The following MTSS1 variants were observed in gnomAD, a reference collection of about 807,000 sequenced individuals.
The protein encoded by MTSS1 is protein MTSS 1.
Under a neutral mutation model 79.0 loss-of-function variants are expected in MTSS1, and 18 were observed. The ratio of observed to expected loss-of-function variants is 0.23; its 90% CI spans 0.16 to 0.34. The LOEUF (loss-of-function observed/expected upper bound fraction) is 0.34, where lower values mean the gene tolerates loss of function less well. Among genes scored for constraint, MTSS1 ranks in the 10% least tolerant of loss-of-function variants. The pLI is 1.00. For synonymous variants in MTSS1, 341 were observed against 368.6 expected (o/e 0.93, Z 0.86); for missense variants, 815 against 986.2 (o/e 0.83, Z 2.33).
At chr8:124,589,843 A>G (rs1014342600) in intron 4 of MTSS1, 132 bp from the exon 5 acceptor site, 74 of 658,530 alleles carry the variant, frequency 1.1e-4, no homozygotes, top group Non-Finnish European at 1.8e-4. Flanking sequence ...CCGGGGCTCC[A>G]GAACAGCCAT....
chr8:124,660,886 A>C (rs1196953521), intron 3 of MTSS1, among the ~76,000 whole-genome samples: 2 of 152,170 alleles, frequency 1.3e-5, no homozygotes, highest in East Asian at 3.9e-4. Flanking sequence ...GCAAAGGATG[A>C]GGGACTTGTG....
chr8:124,572,459 G>T (rs1827978505), intron 6 of MTSS1, among the ~76,000 whole-genome samples: 1 of 152,170 alleles, frequency 6.6e-6, no homozygotes, highest in South Asian at 2.1e-4. Context: ...CACAAATTCA[G>T]AGAGTTGTGT....
rs778731501 is a variant in MTSS1, at chr8:124,553,015, G to A, written c.2245C>T (p.Arg749Cys). The A allele has an allele frequency of 3.7e-6, 6 of 1,613,478 alleles. No individual in the cohort carries two copies. The highest frequency in any genetic ancestry group is 3.3e-5 in the Admixed American group (2 of 60,002). Residue 749 changes from arginine (R) to cysteine (C), a missense_variant, in exon 14 of 14, where the codon CGC (arginine) becomes TGC (cysteine). Coordinates refer to ENST00000518547, the MANE Select transcript of MTSS1 (RefSeq NM_014751.6). The surrounding 1 kb of genome is among the most constrained non-coding windows in gnomAD (Gnocchi z 6.0). Reference sequence around the variant, plus strand: ...ACCTAAGAAAAGCGAGGGGCTGAGCGATCGTTTGTCGTGGTCTTCTTCAGT... The same window carrying A: ...ACCTAAGAAAAGCGAGGGGCTGAGCAATCGTTTGTCGTGGTCTTCTTCAGT... ...VKLKKTTTND[R>C]SAPRFS is the part of the protein sequence containing the mutation.
In MTSS1 at chr8:124,553,376, C is replaced by A. The variant is rs756243485; in HGVS notation, c.1884G>T (p.Gly628=). ...GCCCATCTGGAGGGGCTGGCAACAC[C>A]CCTGGGAGGTCTGGGACGGTTGGGG... The part of the protein sequence containing the change: ...VKTPTVPDLP[G]VLPAPPDGPE... The change falls in exon 14 of 14, where the codon GGG becomes GGT. Residue 628 remains glycine, a synonymous_variant. Transcript: ENST00000518547. The surrounding 1 kb of genome is among the most constrained non-coding windows in gnomAD (Gnocchi z 6.0). 18 of 1,610,972 alleles carry A rather than the reference C, an allele frequency of 1.1e-5. No homozygotes were observed. Among genetic ancestry groups the A allele is most frequent in the Admixed American group, 5.0e-5 (3 of 59,942 alleles).
At chr8:124,556,586 C>G (rs1032764633) in intron 11 of MTSS1, 181 bp from the exon 12 acceptor site, 1 of 668,796 alleles carries the variant, frequency 1.5e-6, no homozygotes, top group Non-Finnish European at 2.5e-6. Context: ...AATGGAAACC[C>G]TTTGGGAGCC....
intron 3 of MTSS1, among the ~76,000 whole-genome samples, chr8:124,698,645 G>A (rs1367614957): frequency 6.6e-6 from 1 of 151,548 alleles, no homozygotes; most frequent in Non-Finnish European, 1.5e-5. Flanking sequence ...CCAAATAGCT[G>A]GAATTACAGG....
At chr8:124,708,200 T>C (rs548659993) in intron 1 of MTSS1, among the ~76,000 whole-genome samples, 2 of 152,328 alleles carry the variant, frequency 1.3e-5, no homozygotes, top group South Asian at 4.1e-4. Context: ...GGGCAAGTTA[T>C]TTGACCTCTG....
chr8:124,726,162 C>T (rs1022825489), intron 1 of MTSS1, among the ~76,000 whole-genome samples: 1 of 152,158 alleles, frequency 6.6e-6, no homozygotes, highest in South Asian at 2.1e-4. Flanking sequence ...CCTTGGCACC[C>T]GTGAGTCCCC....
intron 3 of MTSS1, among the ~76,000 whole-genome samples, chr8:124,677,303 A>C (rs774776540): frequency 6.6e-6 from 1 of 152,140 alleles, no homozygotes; most frequent in East Asian, 1.9e-4. Flanking sequence ...TTCCCTCCCA[A>C]GGGTACTTTG....
rs371358168 is a variant in MTSS1, at chr8:124,557,895, G to A, written c.1036-20C>T. ...AGACAACTGGAAACAAACAAAAAAA[G>A]GGGGGGGGAAGGAAAAAAAATTAAT... On this transcript the variant is annotated intron_variant, in intron 10 of 13. Coordinates refer to ENST00000518547, the MANE Select transcript of MTSS1 (RefSeq NM_014751.6). 2.8e-6 allele frequency: 4 copies of A among 1,442,518 alleles called. No homozygotes were observed. Among genetic ancestry groups the A allele is most frequent in the Non-Finnish European group, 3.8e-6 (4 of 1,058,588 alleles). 89.4% of individuals were successfully genotyped at this position (1,442,518 alleles called of 1,614,324 possible). A position where few individuals can be genotyped will look rare whatever the true frequency, so the allele number is the denominator to read the frequency against.
At chr8:124,713,720 T>C (rs1831504016) in intron 1 of MTSS1, among the ~76,000 whole-genome samples, 2 of 151,882 alleles carry the variant, frequency 1.3e-5, no homozygotes, top group Admixed American at 6.6e-5. Context: ...CACTGCGCCC[T>C]GCCTGTTTTC....
intron 3 of MTSS1, among the ~76,000 whole-genome samples, chr8:124,623,413 C>A (rs1256187151): frequency 6.6e-6 from 1 of 152,158 alleles, no homozygotes; most frequent in African/African-American, 2.4e-5. Flanking sequence ...TTTGTGAATG[C>A]CACATTTTCT....
chr8:124,565,792 T>C lies in MTSS1; in HGVS notation c.727-33A>G, dbSNP rs778782055. 3.9e-6 allele frequency: 6 copies of C among 1,537,644 alleles called. No homozygotes were observed. In the African/African-American group the frequency reaches 6.8e-5, roughly 17 times the overall value. On this transcript the variant is annotated intron_variant, in intron 8 of 13. Transcript: ENST00000518547. Reference sequence around the variant, plus strand: ...GACAGAGCCAGCTGGGTGAATGAGGTGCTGAGAGGGGAAGCGTTAGCCATC... The same window carrying C: ...GACAGAGCCAGCTGGGTGAATGAGGCGCTGAGAGGGGAAGCGTTAGCCATC...
intron 3 of MTSS1, among the ~76,000 whole-genome samples, chr8:124,609,928 T>TA (rs1835504256): frequency 6.6e-6 from 1 of 152,106 alleles, no homozygotes; most frequent in Admixed American, 6.5e-5. Context: ...TCTTCATACA[T>TA]ATCAGACTCA....
chr8:124,666,047 C>T (rs997653957), intron 3 of MTSS1, among the ~76,000 whole-genome samples: 1 of 152,160 alleles, frequency 6.6e-6, no homozygotes, highest in African/African-American at 2.4e-5. Flanking sequence ...TCAGAGACAA[C>T]ACACATATTA....
In MTSS1 at chr8:124,727,019, G is replaced by A. The variant is rs1209101520; in HGVS notation, c.72+865C>T. On this transcript the variant is annotated intron_variant, in intron 1 of 13. Transcript: ENST00000518547. This position sits in a 1 kb window ranked among gnomAD's most constrained non-coding sequence, Gnocchi z 4.7. ...TCTAGGCACCAGAAAATCCACATCCGAGGATCAGGTTATCCCCAGTCCCAC... is the reference window on the plus strand; with the variant it reads ...TCTAGGCACCAGAAAATCCACATCCAAGGATCAGGTTATCCCCAGTCCCAC... Among the ~76,000 whole-genome samples the A allele has an allele frequency of 2.0e-5, 3 of 152,110 alleles. No homozygotes were observed. The highest frequency in any genetic ancestry group is 7.2e-5 in the African/African-American group (3 of 41,412).
At chr8:124,575,823 A>G (rs1828862553) in intron 6 of MTSS1, among the ~76,000 whole-genome samples, 1 of 152,212 alleles carries the variant, frequency 6.6e-6, no homozygotes, top group Non-Finnish European at 1.5e-5. Flanking sequence ...TGTCTCCAAC[A>G]GAGCATCCTC....
intron 3 of MTSS1, among the ~76,000 whole-genome samples, chr8:124,667,082 G>C (rs946810880): frequency 7.9e-5 from 12 of 152,204 alleles, no homozygotes; most frequent in Admixed American, 7.9e-4. Context: ...GATTCAGGTG[G>C]AGGGGAGAGG....
intron 1 of MTSS1, among the ~76,000 whole-genome samples, chr8:124,722,507 T>A (rs555166470): frequency 6.6e-6 from 1 of 152,242 alleles, no homozygotes. Flanking sequence ...CATACTCAGA[T>A]GAAACCTGCA....
Sources: allele counts gnomAD v4.1 joint callset (sites outside exome capture counted in the v4.1 genomes callset), GRCh38; gene constraint gnomAD v4.1.1; non-coding constraint Gnocchi (gnomAD v3.1); transcripts MANE v1.5; gene names NCBI Gene and HGNC (gene_info 2026-07-23, HGNC 2026-07-21).